The following ASPRV1 variants were observed in gnomAD, a reference collection of about 807,000 sequenced individuals.
ASPRV1 encodes the protein retroviral-like aspartic protease 1.
ASPRV1 carries 7 observed loss-of-function variants against 11.0 expected under a neutral mutation model. That is an observed-to-expected ratio of 0.64 (90% CI 0.36 to 1.20). The LOEUF (loss-of-function observed/expected upper bound fraction) is 1.20. Among genes scored for constraint, ASPRV1 ranks in the 50% most tolerant of loss-of-function variants. The pLI, the probability that ASPRV1 is intolerant of heterozygous loss-of-function variation, is 0.02. For synonymous variants in ASPRV1, 136 were observed against 138.4 expected (o/e 0.98, Z 0.12); for missense variants, 299 against 320.0 (o/e 0.93, Z 0.50).
the ASPRV1 span, chr2:70,069,431 C>T: frequency 2.5e-4 from 38 of 152,210 alleles, no homozygotes; most frequent in Admixed American, 2.5e-3. Context: ...TCCAAGCCTT[C>T]GGATGCCATT....
At chr2:70,063,162 T>TA in the ASPRV1 span, among the ~76,000 whole-genome samples, 34 of 152,242 alleles carry the variant, frequency 2.2e-4, no homozygotes, top group African/African-American at 7.2e-4. Context: ...CTGAGCTACA[T>TA]ACAAAAACAT....
At chr2:70,086,996 C>T in the ASPRV1 span, 2 of 152,232 alleles carry the variant, frequency 1.3e-5, no homozygotes, top group South Asian at 2.0e-4. Context: ...CAGGCCTCGC[C>T]TCGCCGCCCC....
chr2:70,069,861 G>A, the ASPRV1 span, among the ~76,000 whole-genome samples: 1 of 151,520 alleles, frequency 6.6e-6, no homozygotes, highest in Non-Finnish European at 1.5e-5. Flanking sequence ...AAGTAAGGAG[G>A]TTGGAAAAAA....
chr2:69,950,447 A>T, the ASPRV1 span, among the ~76,000 whole-genome samples: 1 of 152,210 alleles, frequency 6.6e-6, no homozygotes, highest in Non-Finnish European at 1.5e-5. Context: ...TTCATTCAAC[A>T]CTGTGACGTT....
At chr2:69,981,438 TAA>T in the ASPRV1 span, among the ~76,000 whole-genome samples, 1 of 152,232 alleles carries the variant, frequency 6.6e-6, no homozygotes, top group African/African-American at 2.4e-5. Context: ...TACCATATAT[TAA>T]GAGTAGTTAC....
At chr2:70,056,160 G>C in the ASPRV1 span, 6 of 152,130 alleles carry the variant, frequency 3.9e-5, no homozygotes, top group Non-Finnish European at 2.9e-5. Context: ...GAAACAGAAA[G>C]TAGAATGGTG....
the ASPRV1 span, chr2:70,086,383 T>TGG: frequency 6.6e-6 from 1 of 152,238 alleles, no homozygotes; most frequent in Non-Finnish European, 1.5e-5. Flanking sequence ...GGGCCCTTTC[T>TGG]GGTCTGGCTT....
the ASPRV1 span, among the ~76,000 whole-genome samples, chr2:69,950,231 G>A: frequency 1.3e-5 from 2 of 152,198 alleles, no homozygotes; most frequent in Non-Finnish European, 2.9e-5. Context: ...TGGCCCCCAG[G>A]TACACCTGAG....
downstream of ASPRV1, among the ~76,000 whole-genome samples, chr2:69,958,554 C>G (rs1677990131): frequency 1.3e-5 from 2 of 152,180 alleles, no homozygotes; most frequent in Admixed American, 6.5e-5. Context: ...CCTTAGTCCC[C>G]TCCCCAGCTC....
At chr2:70,002,452 G>A in the ASPRV1 span, among the ~76,000 whole-genome samples, 3 of 152,154 alleles carry the variant, frequency 2.0e-5, no homozygotes, top group Non-Finnish European at 2.9e-5. Context: ...CCAAGATCTC[G>A]TGGGCTGGCT....
the ASPRV1 span, among the ~76,000 whole-genome samples, chr2:69,973,375 C>A: frequency 2.0e-5 from 3 of 152,040 alleles, no homozygotes. Flanking sequence ...GATGTTGGAA[C>A]TTCACTTGTT....
chr2:70,068,574 G>A, the ASPRV1 span, among the ~76,000 whole-genome samples: 2 of 152,088 alleles, frequency 1.3e-5, no homozygotes, highest in African/African-American at 4.8e-5. Context: ...CAGGAAGCTA[G>A]AGATGTGAAT....
At chr2:69,949,309 A>G in the ASPRV1 span, among the ~76,000 whole-genome samples, 1 of 152,140 alleles carries the variant, frequency 6.6e-6, no homozygotes, top group Admixed American at 6.5e-5. Context: ...GAACGAATTA[A>G]CACTTTTTAA....
chr2:70,062,832 T>C, the ASPRV1 span, among the ~76,000 whole-genome samples: 1 of 152,104 alleles, frequency 6.6e-6, no homozygotes, highest in African/African-American at 2.4e-5. Context: ...ATTATGGAAT[T>C]TGAAGGTCCC....
At chr2:70,056,131 T>A in the ASPRV1 span, 2 of 152,100 alleles carry the variant, frequency 1.3e-5, no homozygotes, top group Non-Finnish European at 2.9e-5. Context: ...TATGAGGTAG[T>A]AAAGTATCCA....
At chr2:70,035,300 G>C in the ASPRV1 span, among the ~76,000 whole-genome samples, 2 of 152,124 alleles carry the variant, frequency 1.3e-5, no homozygotes, top group African/African-American at 4.8e-5. Context: ...CAGCTTACCA[G>C]TTCTGAAAAC....
the ASPRV1 span, chr2:69,938,556 A>G: frequency 7.8e-6 from 3 of 386,670 alleles, no homozygotes; most frequent in Non-Finnish European, 1.4e-5. Flanking sequence ...AGACCGAATA[A>G]GCAATGTCCA....
At chr2:70,026,248 G>A in the ASPRV1 span, among the ~76,000 whole-genome samples, 4 of 152,082 alleles carry the variant, frequency 2.6e-5, no homozygotes, top group African/African-American at 9.7e-5. Context: ...GGGCACTCCA[G>A]CCTGGAAAAC....
At chr2:70,015,101 T>A in the ASPRV1 span, among the ~76,000 whole-genome samples, 4 of 152,042 alleles carry the variant, frequency 2.6e-5, no homozygotes, top group African/African-American at 9.7e-5. Flanking sequence ...ACCCATTAGG[T>A]TGGATACTAT....
Sources: allele counts gnomAD v4.1 joint callset (sites outside exome capture counted in the v4.1 genomes callset), GRCh38; gene constraint gnomAD v4.1.1; transcripts MANE v1.5; gene names NCBI Gene and HGNC (gene_info 2026-07-23, HGNC 2026-07-21).